The following NCBP1 variants were observed in gnomAD, a reference collection of about 807,000 sequenced individuals.
NCBP1 encodes the protein nuclear cap-binding protein subunit 1.
Under a neutral mutation model 111.7 loss-of-function variants are expected in NCBP1, and 16 were observed. That is an observed-to-expected ratio of 0.14 (90% CI 0.10 to 0.22). The LOEUF is 0.22. Ranked by LOEUF, NCBP1 falls within the 10% of genes least tolerant of loss-of-function variation. NCBP1 has a pLI of 1.00. For missense variants in NCBP1, 607 were observed against 957.5 expected, an observed-to-expected ratio of 0.63 and a Z score of 4.83; for synonymous variants, 304 against 314.3, an observed-to-expected ratio of 0.97 and a Z score of 0.35.
At chr9:97,641,726 G>T (rs1259528306) in intron 3 of NCBP1, 64 bp downstream of exon 3, 2 of 1,404,624 alleles carry the variant, frequency 1.4e-6, no homozygotes, top group Non-Finnish European at 1.9e-6. Flanking sequence ...AATGCTTTGG[G>T]AAATGTTCAA....
Position 97,658,656 on chromosome 9 carries a change from C to T in NCBP1, c.1390C>T (p.Arg464Cys), listed in dbSNP as rs929728395. 3.7e-6 allele frequency: 6 copies of T among 1,610,946 alleles called. No homozygotes were observed. The highest frequency in any genetic ancestry group is 4.2e-6 in the Non-Finnish European group (5 of 1,177,360). The part of the protein sequence containing the change: ...EKCMRLSYHQ[R>C]ILDIVPPTFS... ...GTATTGTAGGTTGTCTTACCATCAG[C>T]GTATATTAGATATTGTTCCTCCTAC... Residue 464 changes from arginine to cysteine, a missense_variant, in exon 15 of 23, where the codon CGT (arginine) becomes TGT (cysteine). This residue lies in a region of NCBP1 where 282 missense variants were observed against 376.5 expected (regional missense o/e 0.75). Coordinates refer to ENST00000375147, the MANE Select transcript of NCBP1 (RefSeq NM_002486.5).
In NCBP1 at chr9:97,671,517, AACCTTACATAGTAT is replaced by A; in HGVS notation, c.*320_*333del. On this transcript the variant is annotated 3_prime_UTR_variant, in exon 23 of 23. Transcript: ENST00000375147. ...TGAGGTATGTGAAACACTAGAGGTC[AACCTTACATAGTAT>A]ATAGAACTGATGGGTTTACCCAGCT... The A allele has an allele frequency of 4.1e-6, 1 of 246,212 alleles. No individual in the cohort carries two copies. Among genetic ancestry groups the A allele is most frequent in the Non-Finnish European group, 7.9e-6 (1 of 126,296 alleles). 15.3% of individuals were successfully genotyped at this position (246,212 alleles called of 1,614,324 possible).
At position 97,638,588 on chromosome 9, in the gene NCBP1, C is replaced by CA. The variant is rs571960018; in HGVS notation, c.35-2200dup. 3.2e-3 allele frequency among the ~76,000 whole-genome samples: 491 copies of CA among 152,276 alleles called. 3 individuals carry two copies. The highest frequency in any genetic ancestry group is 5.4e-3 in the Non-Finnish European group (369 of 68,000). On this transcript the variant is annotated intron_variant, in intron 1 of 22. Transcript: ENST00000375147. ...GTGCTTAAGGTTTAAAAAACAGCAA[C>CA]AAAAAATAACTGCTCTCATTCAGCT...
intron 8 of NCBP1, among the ~76,000 whole-genome samples, chr9:97,649,190 A>G (rs968630259): frequency 4.6e-5 from 7 of 152,126 alleles, no homozygotes; most frequent in African/African-American, 1.7e-4. Context: ...TTTAATATAC[A>G]TGTTCTTTAT....
chr9:97,669,990 T>G (rs1828136433), intron 22 of NCBP1: 1 of 436,534 alleles, frequency 2.3e-6, no homozygotes, highest in East Asian at 5.1e-5. Context: ...TGACACGATC[T>G]CAGCTCACTG....
chr9:97,654,846 G>C (rs771243403), intron 11 of NCBP1, 34 bp from the exon 12 acceptor site: 2 of 1,590,296 alleles, frequency 1.3e-6, no homozygotes, highest in South Asian at 2.2e-5. Context: ...TGGGATAAAA[G>C]TGGAGAATAG....
chr9:97,636,568 ATACTC>A (rs1369236869), intron 1 of NCBP1, among the ~76,000 whole-genome samples: 9 of 145,588 alleles, frequency 6.2e-5, no homozygotes, highest in South Asian at 2.1e-4. Flanking sequence ...ATATAAATAT[ATACTC>A]TAATATATAT....
chr9:97,646,328 G>T (rs1827333844), intron 6 of NCBP1, among the ~76,000 whole-genome samples: 1 of 151,996 alleles, frequency 6.6e-6, no homozygotes, highest in South Asian at 2.1e-4. Context: ...TAAAAGCTTG[G>T]TTTATATTGT....
At chr9:97,634,747 C>T (rs1314646473) in intron 1 of NCBP1, 2 of 152,168 alleles carry the variant, frequency 1.3e-5, no homozygotes, top group African/African-American at 4.8e-5. Context: ...CTATTGTTAA[C>T]ATTTTAGTGT....
rs896010797 is a variant in NCBP1, at chr9:97,673,659, A to G, written c.*2460A>G. ...CCCAGTAATGAAGTTCATACAGACA[A>G]AAGATGGCATGTCACTGTACATCAT... is the stretch of plus-strand genomic sequence containing the variant. On this transcript the variant is annotated 3_prime_UTR_variant, in exon 23 of 23. Transcript: ENST00000375147. 2.0e-5 allele frequency: 3 copies of G among 152,232 alleles called. No individual in the cohort carries two copies. Among genetic ancestry groups the G allele is most frequent in the African/African-American group, 7.2e-5 (3 of 41,462 alleles). The allele number at this position is 152,232 out of a possible 1,614,324, so 9.4% of individuals were successfully genotyped here. A position where few individuals can be genotyped will look rare whatever the true frequency, so the allele number is the denominator to read the frequency against.
intron 6 of NCBP1, among the ~76,000 whole-genome samples, chr9:97,646,217 G>T (rs1827330966): frequency 6.6e-6 from 1 of 152,116 alleles, no homozygotes; most frequent in Non-Finnish European, 1.5e-5. Context: ...TAAAACAGTG[G>T]TCCTTAACCC....
chr9:97,642,189 T>C (rs1827223042), intron 3 of NCBP1, among the ~76,000 whole-genome samples: 1 of 152,076 alleles, frequency 6.6e-6, no homozygotes, highest in African/African-American at 2.4e-5. Context: ...TTAGTTTAGA[T>C]CAAGTGAAGG....
At chr9:97,643,511 A>G (rs769602496) in intron 4 of NCBP1, 151 bp downstream of exon 4, 59 of 785,904 alleles carry the variant, frequency 7.5e-5, no homozygotes, top group Non-Finnish European at 9.9e-5. Flanking sequence ...GATACCCCCA[A>G]ATCTGTAACT....
At chr9:97,668,814 G>C in intron 20 of NCBP1, 32 bp from the exon 21 acceptor site, 1 of 1,603,156 alleles carries the variant, frequency 6.2e-7, no homozygotes, top group South Asian at 1.1e-5. Flanking sequence ...AATCTAAATG[G>C]TATTTTCCTT....
At chr9:97,666,063 C>G (rs1212367177) in intron 19 of NCBP1, among the ~76,000 whole-genome samples, 1 of 152,260 alleles carries the variant, frequency 6.6e-6, no homozygotes, top group South Asian at 2.1e-4. Flanking sequence ...CTGCACAGTT[C>G]AAACCTGTAT....
intron 20 of NCBP1, among the ~76,000 whole-genome samples, chr9:97,668,033 G>C (rs1041035250): frequency 1.3e-5 from 2 of 152,212 alleles, no homozygotes; most frequent in Non-Finnish European, 2.9e-5. Flanking sequence ...GCAGGGTTCT[G>C]ATAATTTTGC....
At position 97,641,627 on chromosome 9, in the gene NCBP1, C is replaced by G. The variant is rs766979856; in HGVS notation, c.189C>G (p.Asn63Lys). The G allele has an allele frequency of 1.9e-6, 3 of 1,608,822 alleles. No individual in the cohort carries two copies. The African/African-American group carries it at 4.0e-5, about 22-fold the overall frequency. Residue 63 changes from asparagine (N) to lysine (K), a missense_variant, in exon 3 of 23, where the codon AAC becomes AAG. Physicochemically the swap from Asn to Lys is moderately conservative, Grantham distance 94. Transcript: ENST00000375147. ...GTGTTTTGGAAGCTGATCTTCCTAACTACAAGAGCAAGATCTTAAGGCTTC... is the reference window on the plus strand; with the variant it reads ...GTGTTTTGGAAGCTGATCTTCCTAAGTACAAGAGCAAGATCTTAAGGCTTC... ...LAGVLEADLP[N>K]YKSKILRLLC...
intron 13 of NCBP1, 49 bp downstream of exon 13, chr9:97,655,813 T>G (rs188558440): frequency 3.3e-6 from 5 of 1,499,616 alleles, no homozygotes; most frequent in Non-Finnish European, 4.6e-6. Flanking sequence ...AAACTACTAA[T>G]GTTTAAAACT....
At chr9:97,670,088 G>C (rs1828140672) in intron 22 of NCBP1, 1 of 328,620 alleles carries the variant, frequency 3.0e-6, no homozygotes, top group Admixed American at 3.9e-5. Flanking sequence ...ACTCCTGCCT[G>C]ATTTTTGTAT....
Sources: allele counts gnomAD v4.1 joint callset (sites outside exome capture counted in the v4.1 genomes callset), GRCh38; gene constraint gnomAD v4.1.1; regional missense constraint gnomAD v4.1.1; transcripts MANE v1.5; gene names NCBI Gene and HGNC (gene_info 2026-07-23, HGNC 2026-07-21).